Variants in AFF1 observed in about 807,000 individuals in gnomAD.
The protein encoded by AFF1 is ALF transcription elongation factor 1, also known as AF4/FMR2 family member 1.
Under a neutral mutation model 121.7 loss-of-function variants are expected in AFF1, and 48 were observed. The ratio of observed to expected loss-of-function variants is 0.39; its 90% CI spans 0.31 to 0.50. AFF1 has a LOEUF of 0.50. Among genes scored for constraint, AFF1 ranks in the 20% least tolerant of loss-of-function variants. The probability of loss-of-function intolerance (pLI) is 0.76; values close to 1 mark genes in which losing one functional copy is unlikely to be tolerated. For missense variants in AFF1, 1,523 were observed against 1,511.7 expected (o/e 1.01, Z -0.12); for synonymous variants, 613 against 563.0 (o/e 1.09, Z -1.26).
At chr4:87,072,677 A>G (rs1722211067) in intron 4 of AFF1, among the ~76,000 whole-genome samples, 1 of 151,612 alleles carries the variant, frequency 6.6e-6, no homozygotes, top group African/African-American at 2.4e-5. Flanking sequence ...TGCACCACCC[A>G]CCACCACGCC....
intron 11 of AFF1, among the ~76,000 whole-genome samples, chr4:87,111,371 T>C (rs1347135553): frequency 6.6e-6 from 1 of 151,954 alleles, no homozygotes; most frequent in Non-Finnish European, 1.5e-5. Context: ...TTATTTTTAT[T>C]GAGATGGAGT....
At chr4:87,054,038 T>C (rs1307045883) in intron 4 of AFF1, among the ~76,000 whole-genome samples, 2 of 152,224 alleles carry the variant, frequency 1.3e-5, no homozygotes, top group African/African-American at 4.8e-5. Context: ...TGCCACACCA[T>C]GTGCAGAGAC....
At position 87,041,752 on chromosome 4, in the gene AFF1, C is replaced by T. The variant is rs112559484; in HGVS notation, c.39-4414C>T. 2.0e-3 allele frequency among the ~76,000 whole-genome samples: 311 copies of T among 152,038 alleles called. 2 individuals carry two copies. Among genetic ancestry groups the T allele is most frequent in the African/African-American group, 7.0e-3 (292 of 41,508 alleles). Reference sequence around the variant, plus strand: ...ATTGACAGCTGGGCGTGGTGGCTCACGCCTATAATCTCAACACTTTAGGAG... The same window carrying T: ...ATTGACAGCTGGGCGTGGTGGCTCATGCCTATAATCTCAACACTTTAGGAG... On this transcript the variant is annotated intron_variant, in intron 2 of 20. Coordinates refer to ENST00000395146, the MANE Select transcript of AFF1 (RefSeq NM_001166693.3).
intron 8 of AFF1, among the ~76,000 whole-genome samples, chr4:87,104,717 T>G (rs977229636): frequency 1.3e-5 from 2 of 152,246 alleles, no homozygotes; most frequent in African/African-American, 4.8e-5. Flanking sequence ...TTGGAAATAC[T>G]GAAGGATTTT....
chr4:86,959,507 T>TC (rs1553909413), intron 2 of AFF1, among the ~76,000 whole-genome samples: 47,039 of 145,600 alleles, frequency 0.32, 8,977 homozygotes, highest in South Asian at 0.49. Flanking sequence ...TTTTTTTTTT[T>TC]CCCAATGTGA....
rs116702188 is a variant in AFF1, at chr4:87,015,019, T to G, written c.39-31147T>G. On this transcript the variant is annotated intron_variant, in intron 2 of 20. Transcript: ENST00000395146. ...CTTTGAGCTTTGATAAAAGTTTGAG[T>G]CCATGATATTATGGTTTAAGAAAAT... Among the ~76,000 whole-genome samples the G allele has an allele frequency of 2.6e-3, 392 of 152,304 alleles. 5 individuals carry two copies. Among genetic ancestry groups the G allele is most frequent in the African/African-American group, 8.2e-3 (342 of 41,558 alleles).
intron 2 of AFF1, among the ~76,000 whole-genome samples, chr4:86,968,814 G>A (rs1032468092): frequency 1.3e-5 from 2 of 152,234 alleles, no homozygotes; most frequent in African/African-American, 4.8e-5. Flanking sequence ...CATGGGTGAA[G>A]GAGAATCAAC....
chr4:86,962,200 T>C lies in AFF1; in HGVS notation c.38+13629T>C, dbSNP rs567521370. Among the ~76,000 whole-genome samples the C allele has an allele frequency of 6.1e-5, 9 of 147,398 alleles. No homozygotes were observed. In the South Asian group the frequency reaches 1.8e-3, roughly 29 times the overall value. ...TGTCCTCAACCTGGAGTAGTGACTC[T>C]GGTGAGTAGAACACTTCTTACAGGC... On this transcript the variant is annotated intron_variant, in intron 2 of 20. Coordinates refer to ENST00000395146, the MANE Select transcript of AFF1 (RefSeq NM_001166693.3).
At chr4:87,069,257 G>A (rs1167817424) in intron 4 of AFF1, among the ~76,000 whole-genome samples, 1 of 147,792 alleles carries the variant, frequency 6.8e-6, no homozygotes, top group Non-Finnish European at 1.5e-5. Flanking sequence ...CAGGTGGCGT[G>A]GTGTGTGTGG....
At chr4:87,082,189 G>A (rs1238634802) in intron 4 of AFF1, among the ~76,000 whole-genome samples, 1 of 152,138 alleles carries the variant, frequency 6.6e-6, no homozygotes, top group Non-Finnish European at 1.5e-5. Context: ...TCATGTGCTT[G>A]TTCTATTGAT....
At chr4:86,950,676 G>C (rs1721242326) in intron 2 of AFF1, among the ~76,000 whole-genome samples, 1 of 152,116 alleles carries the variant, frequency 6.6e-6, no homozygotes, top group South Asian at 2.1e-4. Context: ...TTCAATTCCT[G>C]GTCATCATTG....
chr4:87,064,065 T>C (rs1721086233), intron 4 of AFF1, among the ~76,000 whole-genome samples: 2 of 152,384 alleles, frequency 1.3e-5, no homozygotes, highest in South Asian at 4.1e-4. Flanking sequence ...AATAAAGTAC[T>C]GAATACTTGC....
At chr4:87,038,366 G>A (rs1729774906) in intron 2 of AFF1, among the ~76,000 whole-genome samples, 1 of 152,166 alleles carries the variant, frequency 6.6e-6, no homozygotes, top group African/African-American at 2.4e-5. Flanking sequence ...CAGACATGGA[G>A]TCACTTTGAT....
At chr4:87,021,192 T>C (rs1727867050) in intron 2 of AFF1, among the ~76,000 whole-genome samples, 1 of 152,234 alleles carries the variant, frequency 6.6e-6, no homozygotes, top group Non-Finnish European at 1.5e-5. Context: ...GGCCTTGTAA[T>C]AGGATGACTT....
chr4:86,950,230 G>T, intron 2 of AFF1: 1 of 972,290 alleles, frequency 1.0e-6, no homozygotes, highest in Non-Finnish European at 1.6e-6. Context: ...CCCGGCTGGA[G>T]TGCAGTGCCA....
chr4:86,963,092 G>T (rs987338697), intron 2 of AFF1, among the ~76,000 whole-genome samples: 4 of 150,306 alleles, frequency 2.7e-5, no homozygotes, highest in Non-Finnish European at 4.4e-5. Context: ...CTCGAACCTG[G>T]GAGGCAGAGG....
intron 4 of AFF1, among the ~76,000 whole-genome samples, chr4:87,080,970 C>A (rs560080398): frequency 2.0e-5 from 3 of 152,090 alleles, no homozygotes; most frequent in African/African-American, 7.2e-5. Context: ...TTGGTATACA[C>A]AAAAGTATTT....
chr4:86,964,430 T>G (rs1722386207), intron 2 of AFF1, among the ~76,000 whole-genome samples: 1 of 140,562 alleles, frequency 7.1e-6, no homozygotes, highest in Non-Finnish European at 1.5e-5. Flanking sequence ...GGTTGTTCTA[T>G]ACATCTTTTT....
At chr4:86,949,543 T>TTTTTA (rs1721136684) in intron 2 of AFF1, 5 of 160,916 alleles carry the variant, frequency 3.1e-5, no homozygotes, top group East Asian at 1.6e-4. Context: ...TATTATTTTT[T>TTTTTA]TTTTTTTTTT....
Sources: allele counts gnomAD v4.1 joint callset (sites outside exome capture counted in the v4.1 genomes callset), GRCh38; gene constraint gnomAD v4.1.1; transcripts MANE v1.5; gene names NCBI Gene and HGNC (gene_info 2026-07-23, HGNC 2026-07-21).